The following ETNK1 variants were observed in gnomAD, a reference collection of about 807,000 sequenced individuals.
ETNK1 encodes the protein putative protein product of Nbla10396.
A neutral mutation model predicts 45.1 loss-of-function variants in ETNK1; 8 were observed. The ratio of observed to expected loss-of-function variants is 0.18; its 90% confidence interval spans 0.10 to 0.32. ETNK1 has a LOEUF of 0.32. ETNK1 is among the 10% of genes least tolerant of loss of function. ETNK1 has a pLI of 1.00. For missense variants in ETNK1, 302 were observed against 430.6 expected, an observed-to-expected ratio of 0.70 and a Z score of 2.64; for synonymous variants, 152 against 151.9, an observed-to-expected ratio of 1.00 and a Z score of -0.01.
Position 22,657,238 on chromosome 12 carries a change from A to G in ETNK1, c.417-1776A>G, listed in dbSNP as rs540222568. ...CATTCAAAATGATTTAGTTTATAAAAATAAATGTTTATTTACTCATTTGTT... is the reference window on the plus strand; with the variant it reads ...CATTCAAAATGATTTAGTTTATAAAGATAAATGTTTATTTACTCATTTGTT... On this transcript the variant is annotated intron_variant, in intron 2 of 7. Transcript: ENST00000266517. Among the ~76,000 whole-genome samples, 15 of 152,332 alleles carry G rather than the reference A, an allele frequency of 9.8e-5. No individual in the cohort carries two copies. The South Asian group carries it at 1.2e-3, about 13-fold the overall frequency.
intron 2 of ETNK1, among the ~76,000 whole-genome samples, chr12:22,648,525 C>T (rs1020836860): frequency 2.0e-5 from 3 of 151,886 alleles, no homozygotes; most frequent in Non-Finnish European, 4.4e-5. Flanking sequence ...TTTGTTTCTT[C>T]CATGTCTTTT....
chr12:22,653,966 A>G (rs555124422), intron 2 of ETNK1, among the ~76,000 whole-genome samples: 32 of 152,194 alleles, frequency 2.1e-4, no homozygotes, highest in Non-Finnish European at 4.3e-4. Flanking sequence ...CCTTTCTGCT[A>G]TGATCTGAAT....
At chr12:22,627,603 CAAAGGAA>C (rs1375575331) in intron 1 of ETNK1, among the ~76,000 whole-genome samples, 13 of 151,930 alleles carry the variant, frequency 8.6e-5, no homozygotes, top group South Asian at 2.1e-4. Context: ...TAGTAAATCT[CAAAGGAA>C]ATATTTTCTT....
intron 2 of ETNK1, among the ~76,000 whole-genome samples, chr12:22,655,483 C>T (rs261915): frequency 0.016 from 2,389 of 151,984 alleles, 78 homozygotes; most frequent in African/African-American, 0.055. Context: ...ATTACAGGCA[C>T]GTATCACCAC....
chr12:22,660,034 T>TAAAAA (rs371874842), intron 3 of ETNK1, among the ~76,000 whole-genome samples: 1 of 122,578 alleles, frequency 8.2e-6, no homozygotes, highest in African/African-American at 2.9e-5. Flanking sequence ...ACACTACCTT[T>TAAAAA]AAAAAAAAAA....
chr12:22,671,827 A>G (rs1954110781), intron 5 of ETNK1, among the ~76,000 whole-genome samples: 1 of 146,906 alleles, frequency 6.8e-6, no homozygotes, highest in African/African-American at 2.6e-5. Context: ...CGATAGAGCA[A>G]GACTCCATCT....
At chr12:22,655,643 A>T (rs1309269263) in intron 2 of ETNK1, among the ~76,000 whole-genome samples, 1 of 148,440 alleles carries the variant, frequency 6.7e-6, no homozygotes, top group African/African-American at 2.5e-5. Flanking sequence ...AGCCTATAGG[A>T]TATTTGTATA....
intron 1 of ETNK1, among the ~76,000 whole-genome samples, chr12:22,639,789 C>T (rs1953711657): frequency 6.6e-6 from 1 of 152,110 alleles, no homozygotes; most frequent in South Asian, 2.1e-4. Flanking sequence ...TTCGTGAAAT[C>T]AGGAGGTGAC....
intron 5 of ETNK1, among the ~76,000 whole-genome samples, chr12:22,671,668 T>C (rs910401228): frequency 2.0e-5 from 3 of 151,378 alleles, no homozygotes; most frequent in East Asian, 1.9e-4. Context: ...GAAACCCCGT[T>C]TCTACTAAAA....
rs116626400 is a variant in ETNK1 at position 22,634,440 on chromosome 12, A to G, written c.156+8854A>G. On this transcript the variant is annotated intron_variant, in intron 1 of 7. Transcript: ENST00000266517. ...CTTGACAAGTTTTGGTACCAAGTTC[A>G]GAGGTGTTTCTTCTTTTTCTATTTT... Among the ~76,000 whole-genome samples the G allele has an allele frequency of 7.0e-3, 1,061 of 152,240 alleles. 12 individuals are homozygous for G. Among genetic ancestry groups the G allele is most frequent in the African/African-American group, 0.024 (1,013 of 41,542 alleles).
chr12:22,668,426 G>A (rs1001471437), intron 4 of ETNK1, among the ~76,000 whole-genome samples: 3 of 152,122 alleles, frequency 2.0e-5, no homozygotes, highest in Non-Finnish European at 4.4e-5. Flanking sequence ...AGGGAAGTTG[G>A]CTTTTTAAAT....
At chr12:22,684,681 G>T in intron 7 of ETNK1, 125 bp downstream of exon 7, 1 of 780,546 alleles carries the variant, frequency 1.3e-6, no homozygotes, top group Non-Finnish European at 2.1e-6. Context: ...CTTAGTAATT[G>T]GTCTGTGAAG....
In ETNK1 at chr12:22,641,554, C is replaced by A. The variant is rs1456323726; in HGVS notation, c.157-2209C>A. 2.6e-5 allele frequency among the ~76,000 whole-genome samples: 4 copies of A among 152,134 alleles called. No individual in the cohort carries two copies. The South Asian group carries it at 6.2e-4, about 24-fold the overall frequency. On this transcript the variant is annotated intron_variant, in intron 1 of 7. Coordinates refer to ENST00000266517, the MANE Select transcript of ETNK1 (RefSeq NM_018638.5). ...AAACAGTTTATGTTCAGCATGACTT[C>A]AAGGCCTAGTGAGTGCCAGGCCGTT... is the stretch of plus-strand genomic sequence containing the variant.
chr12:22,683,261 CTT>C (rs572284999), intron 6 of ETNK1, among the ~76,000 whole-genome samples: 5 of 142,806 alleles, frequency 3.5e-5, no homozygotes. Flanking sequence ...TATTCCTGTT[CTT>C]TTTTTTTTTT....
chr12:22,637,799 T>C (rs775899738), intron 1 of ETNK1, among the ~76,000 whole-genome samples: 23 of 152,104 alleles, frequency 1.5e-4, no homozygotes, highest in African/African-American at 2.4e-4. Context: ...TAATTGAAAA[T>C]TGATAAAATA....
chr12:22,630,280 A>G (rs1034309150), intron 1 of ETNK1, among the ~76,000 whole-genome samples: 2 of 152,206 alleles, frequency 1.3e-5, no homozygotes, highest in Non-Finnish European at 2.9e-5. Flanking sequence ...CAATTCTCCC[A>G]TCCCAACTGA....
chr12:22,649,898 G>T (rs1953853308), intron 2 of ETNK1, among the ~76,000 whole-genome samples: 6 of 152,028 alleles, frequency 3.9e-5, no homozygotes, highest in Admixed American at 3.9e-4. Context: ...AAATTGGGAA[G>T]AACTGACATC....
intron 3 of ETNK1, 113 bp downstream of exon 3, chr12:22,659,267 T>C (rs1953975241): frequency 3.7e-6 from 4 of 1,087,044 alleles, no homozygotes; most frequent in African/African-American, 1.6e-5. Context: ...TTTCTTTGCA[T>C]TGAAGTAAAG....
Position 22,641,387 on chromosome 12 carries a change from G to A in ETNK1, c.157-2376G>A, listed in dbSNP as rs184103597. Among the ~76,000 whole-genome samples, 183 of 152,222 alleles carry A rather than the reference G, an allele frequency of 1.2e-3. 1 individual carries two copies. Among genetic ancestry groups the A allele is most frequent in the Non-Finnish European group, 2.0e-3 (136 of 68,014 alleles). ...TCACTCATATTAGCCAGGATAAGGA[G>A]GTATTTGGTAATTTTTGTCATTTGG... is the stretch of plus-strand genomic sequence containing the variant. On this transcript the variant is annotated intron_variant, in intron 1 of 7. Transcript: ENST00000266517.
Sources: gnomAD v4.1 joint callset for allele counts (sites outside exome capture counted in the v4.1 genomes callset) on GRCh38, gnomAD v4.1.1 for gene constraint, MANE v1.5 for transcripts, NCBI Gene and HGNC (gene_info 2026-07-23, HGNC 2026-07-21) for gene names.